The following SLCO6A1 variants were observed in gnomAD, a reference collection of about 807,000 sequenced individuals.
The protein encoded by SLCO6A1 is solute carrier organic anion transporter family member 6A1.
Under a neutral mutation model 72.7 loss-of-function variants are expected in SLCO6A1, and 65 were observed. That is an observed-to-expected ratio of 0.89 (90% CI 0.73 to 1.10). The LOEUF is 1.10. Ranked by LOEUF, SLCO6A1 falls within the 50% of genes least tolerant of loss-of-function variation. The pLI, the probability that SLCO6A1 is intolerant of heterozygous loss-of-function variation, is 0.00. For missense variants in SLCO6A1, 874 were observed against 872.6 expected, an observed-to-expected ratio of 1.00 and a Z score of -0.02; for synonymous variants, 314 against 298.2, an observed-to-expected ratio of 1.05 and a Z score of -0.55.
intron 9 of SLCO6A1, among the ~76,000 whole-genome samples, chr5:102,412,408 A>G (rs981104483): frequency 6.6e-6 from 1 of 152,166 alleles, no homozygotes; most frequent in African/African-American, 2.4e-5. Context: ...ATTTTAATGT[A>G]GGAATATCTC....
intron 1 of SLCO6A1, among the ~76,000 whole-genome samples, chr5:102,485,466 G>A (rs796986677): frequency 3.3e-5 from 5 of 152,236 alleles, no homozygotes; most frequent in African/African-American, 9.6e-5. Context: ...GATTTATGGT[G>A]AAGATCTTTC....
In SLCO6A1 at chr5:102,480,325, G is replaced by C; in HGVS notation, c.468C>G (p.Gly156=). The C allele has an allele frequency of 1.2e-6, 2 of 1,613,442 alleles. No individual in the cohort carries two copies. Among genetic ancestry groups the C allele is most frequent in the Non-Finnish European group, 1.7e-6 (2 of 1,179,752 alleles). ...ALEKSYDISS[G]LVAIFIAFYG... ...AGAATGCTATAAATATTGCTACCAG[G>C]CCAGATGAAATATCGTAACTCTTTT... The change falls in exon 2 of 14, where the codon GGC becomes GGG. Residue 156 remains glycine, a synonymous_variant. Coordinates refer to ENST00000506729, the MANE Select transcript of SLCO6A1 (RefSeq NM_173488.5).
intron 7 of SLCO6A1, among the ~76,000 whole-genome samples, chr5:102,429,657 G>T (rs2112649326): frequency 6.6e-6 from 1 of 152,196 alleles, no homozygotes; most frequent in Admixed American, 6.5e-5. Context: ...TGTTCCATTG[G>T]TCTATGTGTC....
chr5:102,392,446 C>A (rs1000867271), intron 10 of SLCO6A1, among the ~76,000 whole-genome samples: 1 of 151,888 alleles, frequency 6.6e-6, no homozygotes, highest in African/African-American at 2.4e-5. Flanking sequence ...AAGTAATTTT[C>A]TTTTATGTCA....
intron 6 of SLCO6A1, among the ~76,000 whole-genome samples, chr5:102,456,105 T>G (rs1376373923): frequency 6.6e-6 from 1 of 152,152 alleles, no homozygotes; most frequent in Non-Finnish European, 1.5e-5. Context: ...GGGATATACC[T>G]CAAAATAATA....
intron 6 of SLCO6A1, among the ~76,000 whole-genome samples, chr5:102,455,201 A>C (rs1015831107): frequency 6.6e-6 from 1 of 151,840 alleles, no homozygotes; most frequent in African/African-American, 2.4e-5. Flanking sequence ...AAATTACCTA[A>C]TGTGTCCAGG....
chr5:102,487,576 A>G (rs1752499436), intron 1 of SLCO6A1, among the ~76,000 whole-genome samples: 2 of 152,126 alleles, frequency 1.3e-5, no homozygotes, highest in Admixed American at 1.3e-4. Context: ...CTTCCCACTG[A>G]CCCTACCAAC....
chr5:102,416,450 A>G (rs1314599714), intron 8 of SLCO6A1, among the ~76,000 whole-genome samples: 2 of 152,156 alleles, frequency 1.3e-5, no homozygotes, highest in Non-Finnish European at 2.9e-5. Context: ...ACGGGAAGTC[A>G]TTATCTTAAG....
intron 1 of SLCO6A1, among the ~76,000 whole-genome samples, chr5:102,484,864 A>G (rs1288654213): frequency 2.0e-5 from 3 of 152,194 alleles, no homozygotes; most frequent in African/African-American, 4.8e-5. Flanking sequence ...TCTGAAAAAT[A>G]TATTTTAGTA....
intron 1 of SLCO6A1, among the ~76,000 whole-genome samples, chr5:102,484,252 A>G (rs1752339830): frequency 2.0e-5 from 3 of 152,122 alleles, no homozygotes; most frequent in South Asian, 2.1e-4. Flanking sequence ...TCCAAGCCCA[A>G]TCATGTCAGA....
At chr5:102,414,732 T>G (rs1257042466) in intron 8 of SLCO6A1, among the ~76,000 whole-genome samples, 1 of 151,532 alleles carries the variant, frequency 6.6e-6, no homozygotes, top group Non-Finnish European at 1.5e-5. Flanking sequence ...CATCTCTACT[T>G]AAAATGCAAA....
At chr5:102,441,303 A>G (rs1302045665) in intron 6 of SLCO6A1, among the ~76,000 whole-genome samples, 1 of 152,196 alleles carries the variant, frequency 6.6e-6, no homozygotes, top group Admixed American at 6.5e-5. Flanking sequence ...TTTTTCACAA[A>G]TAGCCCAATT....
At chr5:102,402,242 T>A (rs1747438836) in intron 9 of SLCO6A1, among the ~76,000 whole-genome samples, 1 of 151,974 alleles carries the variant, frequency 6.6e-6, no homozygotes, top group East Asian at 1.9e-4. Flanking sequence ...TGTCAAGGAA[T>A]TATATGGTTA....
chr5:102,492,350 T>G (rs148465497), intron 1 of SLCO6A1, among the ~76,000 whole-genome samples: 58 of 151,932 alleles, frequency 3.8e-4, no homozygotes, highest in African/African-American at 1.3e-3. Flanking sequence ...TGAAAAAAAA[T>G]GTCTTTGATG....
intron 6 of SLCO6A1, among the ~76,000 whole-genome samples, chr5:102,453,350 A>G (rs11955409): frequency 0.051 from 7,787 of 151,474 alleles, 685 homozygotes; most frequent in African/African-American, 0.18. Context: ...AAAAAAAAAA[A>G]AAAGAAAGAA....
At chr5:102,452,781 A>G (rs1444730831) in intron 6 of SLCO6A1, among the ~76,000 whole-genome samples, 2 of 152,208 alleles carry the variant, frequency 1.3e-5, no homozygotes, top group African/African-American at 2.4e-5. Flanking sequence ...CTATGCCTAG[A>G]CACTCAGGAG....
intron 6 of SLCO6A1, among the ~76,000 whole-genome samples, chr5:102,441,316 C>T (rs1476476724): frequency 6.6e-6 from 1 of 152,128 alleles, no homozygotes; most frequent in Admixed American, 6.5e-5. Context: ...GCCCAATTGG[C>T]TATCACATCT....
intron 4 of SLCO6A1, among the ~76,000 whole-genome samples, chr5:102,463,076 GA>G (rs930794617): frequency 2.6e-5 from 4 of 151,718 alleles, no homozygotes; most frequent in African/African-American, 9.7e-5. Flanking sequence ...AAATCAGTAA[GA>G]AAAAAACAAT....
intron 6 of SLCO6A1, 126 bp downstream of exon 6, chr5:102,458,256 A>T (rs1230914060): frequency 4.6e-6 from 3 of 652,870 alleles, no homozygotes; most frequent in Non-Finnish European, 7.7e-6. Flanking sequence ...TATAATAATA[A>T]AAAAGAAAAA....
Sources: allele counts gnomAD v4.1 joint callset (sites outside exome capture counted in the v4.1 genomes callset), GRCh38; gene constraint gnomAD v4.1.1; transcripts MANE v1.5; gene names NCBI Gene and HGNC (gene_info 2026-07-23, HGNC 2026-07-21).